RYR3: variants seen among roughly 807,000 people sequenced by gnomAD.
The protein encoded by RYR3 is ryanodine receptor 3, also known as brain ryanodine receptor-calcium release channel.
In RYR3, 207 loss-of-function variants were observed where a neutral mutation model predicts 584.3. That is an observed-to-expected ratio of 0.35 (90% confidence interval 0.32 to 0.40). The LOEUF (loss-of-function observed/expected upper bound fraction) is 0.40. RYR3 is among the 10% of genes least tolerant of loss of function. The probability of loss-of-function intolerance (pLI) is 1.00; values close to 1 mark genes in which losing one functional copy is unlikely to be tolerated. For synonymous variants in RYR3, 2,416 were observed against 2,248.5 expected, an observed-to-expected ratio of 1.07 and a Z score of -2.11; for missense variants, 5,616 against 6,089.2, an observed-to-expected ratio of 0.92 and a Z score of 2.59.
At chr15:33,425,206 C>T (rs192695195) in intron 1 of RYR3, among the ~76,000 whole-genome samples, 121 of 152,222 alleles carry the variant, frequency 7.9e-4, no homozygotes, top group African/African-American at 2.8e-3. Flanking sequence ...TTAATAGCCC[C>T]CTAAAGGAGA....
chr15:33,628,615 T>C, intron 21 of RYR3, 40 bp downstream of exon 21: 1 of 1,266,194 alleles, frequency 7.9e-7, no homozygotes, highest in Non-Finnish European at 1.2e-6. Flanking sequence ...AGGGTGGGAT[T>C]GCCTTGTTGC....
In RYR3 at chr15:33,816,896, CAG is replaced by C. The variant is rs2076842432; in HGVS notation, c.10541_10542del (p.Arg3514IlefsTer11). Reference protein sequence around the residue: ...RSINLFLHGYQRFWIETEEYS... With the variant: ...RSINLFLHGYXRFWIETEEYS... ...TATTAACCTCTTCCTCCATGGCTAT[CAG>C]AGATTTTGGATAGAAACAGAGGAGT... is the stretch of plus-strand genomic sequence containing the variant. On this transcript the variant is annotated frameshift_variant, in exon 75 of 104. Coordinates refer to ENST00000634891, the MANE Select transcript of RYR3 (RefSeq NM_001036.6). LOFTEE classifies it high-confidence loss of function. 1 of 1,612,700 alleles carries C rather than the reference CAG, an allele frequency of 6.2e-7. No homozygotes were observed.
chr15:33,465,804 A>C (rs2142130874), intron 1 of RYR3: 1 of 518,846 alleles, frequency 1.9e-6, no homozygotes, highest in African/African-American at 1.9e-5. Flanking sequence ...AAGTAGAATG[A>C]GAAGAATTTG....
At chr15:33,439,620 G>A (rs2046047771) in intron 1 of RYR3, among the ~76,000 whole-genome samples, 1 of 152,036 alleles carries the variant, frequency 6.6e-6, no homozygotes, top group Non-Finnish European at 1.5e-5. Flanking sequence ...TATTCAAAAT[G>A]TTTGAAGACT....
In RYR3 at chr15:33,652,791, A is replaced by T; in HGVS notation, c.4216A>T (p.Asn1406Tyr). The T allele has an allele frequency of 6.2e-7, 1 of 1,613,974 alleles. No homozygotes were observed. The highest frequency in any genetic ancestry group is 8.5e-7 in the Non-Finnish European group (1 of 1,179,876). Reference protein sequence around the residue: ...VASSQRSNRSNVDLEIGCLVD... With the variant: ...VASSQRSNRSYVDLEIGCLVD... Reference sequence around the variant, plus strand: ...CAGTTCCCAGAGATCAAATCGGAGCAACGTGGACCTGGAGATCGGCTGTCT... The same window carrying T: ...CAGTTCCCAGAGATCAAATCGGAGCTACGTGGACCTGGAGATCGGCTGTCT... Residue 1406 changes from asparagine (N) to tyrosine (Y), a missense_variant, in exon 32 of 104, where the codon AAC becomes TAC. Physicochemically the swap from Asn to Tyr is moderately radical, Grantham distance 143 (BLOSUM62 -2). This residue lies in a region of RYR3 where 753 missense variants were observed against 741.0 expected (regional missense o/e 1.02). Transcript: ENST00000634891.
intron 74 of RYR3, among the ~76,000 whole-genome samples, chr15:33,816,159 A>G (rs1199738464): frequency 6.6e-6 from 1 of 151,882 alleles, no homozygotes; most frequent in Non-Finnish European, 1.5e-5. Context: ...TTCCCTCCTC[A>G]CCACTGTCCT....
At chr15:33,746,330 C>T (rs144735459) in intron 53 of RYR3, among the ~76,000 whole-genome samples, 173 bp downstream of exon 53, 4 of 152,322 alleles carry the variant, frequency 2.6e-5, no homozygotes, top group East Asian at 1.9e-4. Context: ...GACCAGTTTC[C>T]GAGAGCCCAG....
chr15:33,514,803 C>T (rs2053358248), intron 3 of RYR3, among the ~76,000 whole-genome samples: 1 of 151,930 alleles, frequency 6.6e-6, no homozygotes, highest in Non-Finnish European at 1.5e-5. Flanking sequence ...AGATCGAGAC[C>T]ATCCTGGTTA....
chr15:33,543,588 C>T, intron 7 of RYR3, 34 bp from the exon 8 acceptor site: 2 of 1,330,826 alleles, frequency 1.5e-6, no homozygotes, highest in Non-Finnish European at 2.2e-6. Flanking sequence ...ATTAAACTTC[C>T]CATCATTCAC....
intron 74 of RYR3, among the ~76,000 whole-genome samples, chr15:33,816,146 T>G (rs1227397495): frequency 6.6e-6 from 1 of 152,180 alleles, no homozygotes; most frequent in Non-Finnish European, 1.5e-5. Flanking sequence ...TCCTCCCCTC[T>G]CCTTCCCTCC....
intron 98 of RYR3, 160 bp downstream of exon 98, chr15:33,855,072 A>AT: frequency 3.5e-6 from 2 of 578,204 alleles, no homozygotes; most frequent in Non-Finnish European, 5.3e-6. Flanking sequence ...TTTTTGCAAA[A>AT]TTGTAGCCAA....
chr15:33,821,622 G>C lies in RYR3; in HGVS notation c.10995+20G>C. 2 of 1,610,556 alleles carry C rather than the reference G, an allele frequency of 1.2e-6. No homozygotes were observed. The highest frequency in any genetic ancestry group is 1.7e-6 in the Non-Finnish European group (2 of 1,177,136). ...CAACAGGTAACGGGAACTTGCAGCG[G>C]CTGGGCAGGCTCCCGGGGTATTCCC... On this transcript the variant is annotated intron_variant, in intron 80 of 103. Transcript: ENST00000634891.
At chr15:33,591,714 C>T (rs118040752) in intron 16 of RYR3, among the ~76,000 whole-genome samples, 2 of 152,104 alleles carry the variant, frequency 1.3e-5, no homozygotes, top group East Asian at 3.8e-4. Context: ...TTATTATCTT[C>T]TTTGTTTTGC....
intron 70 of RYR3, among the ~76,000 whole-genome samples, chr15:33,809,924 A>G (rs145832492): frequency 1.4e-3 from 206 of 152,188 alleles, no homozygotes; most frequent in African/African-American, 4.6e-3. Flanking sequence ...TCATGTCTTC[A>G]GTTTTTCTCC....
intron 1 of RYR3, among the ~76,000 whole-genome samples, chr15:33,342,966 A>C (rs1972012943): frequency 6.6e-6 from 1 of 152,008 alleles, no homozygotes; most frequent in African/African-American, 2.4e-5. Flanking sequence ...CTTTGAAAAA[A>C]CTCGATTGTT....
At chr15:33,505,912 A>C (rs1356461794) in intron 3 of RYR3, among the ~76,000 whole-genome samples, 1 of 152,222 alleles carries the variant, frequency 6.6e-6, no homozygotes, top group East Asian at 1.9e-4. Flanking sequence ...AACTAGACCC[A>C]GCCTACCATG....
intron 2 of RYR3, among the ~76,000 whole-genome samples, chr15:33,501,077 A>G (rs148853938): frequency 1.2e-3 from 181 of 152,290 alleles, no homozygotes; most frequent in African/African-American, 4.0e-3. Flanking sequence ...GAAACTCTGT[A>G]AACTAGTGGC....
intron 20 of RYR3, among the ~76,000 whole-genome samples, chr15:33,624,965 G>C (rs2060910404): frequency 6.6e-6 from 1 of 152,128 alleles, no homozygotes; most frequent in Admixed American, 6.6e-5. Context: ...TCATGAGTCT[G>C]CTTCTTACCT....
intron 3 of RYR3, among the ~76,000 whole-genome samples, chr15:33,518,439 T>G (rs1285391106): frequency 3.3e-5 from 5 of 151,520 alleles, no homozygotes; most frequent in Admixed American, 6.6e-5. Flanking sequence ...TGAACCATAC[T>G]TGGTGTTTTT....
Sources: gnomAD v4.1 joint callset for allele counts (sites outside exome capture counted in the v4.1 genomes callset) on GRCh38, gnomAD v4.1.1 for gene constraint, gnomAD v4.1.1 regional missense constraint, MANE v1.5 for transcripts, NCBI Gene and HGNC (gene_info 2026-07-23, HGNC 2026-07-21) for gene names.